CR1: variants seen among roughly 807,000 people sequenced by gnomAD.
CR1 encodes complement C3b/C4b receptor 1 (Knops blood group), also known as complement receptor type 1.
Under a neutral mutation model 187.3 loss-of-function variants are expected in CR1, and 116 were observed. That is an observed-to-expected ratio of 0.62 (90% CI 0.53 to 0.72). CR1 has a LOEUF of 0.72. Among genes scored for constraint, CR1 ranks in the 30% least tolerant of loss-of-function variants. The pLI is 0.00. For missense variants in CR1, 1,731 were observed against 2,110.7 expected (o/e 0.82, Z 3.52); for synonymous variants, 576 against 747.1 (o/e 0.77, Z 3.73).
rs117723802 is a variant in CR1, at chr1:207,589,236, A to G, written c.5810+462A>G. Among the ~76,000 whole-genome samples, 468 of 152,292 alleles carry G rather than the reference A, an allele frequency of 3.1e-3. 8 individuals carry two copies. Among genetic ancestry groups the G allele is most frequent in the Admixed American group, 0.022 (331 of 15,300 alleles). On this transcript the variant is annotated intron_variant, in intron 35 of 46. Transcript: ENST00000367049. ...AAAGTGCACACAGAGAGGAGACATT[A>G]TGGGGTTCTTGCTCTTGACTTCTCC...
At chr1:207,501,951 T>C (rs1659283904) in intron 1 of CR1, among the ~76,000 whole-genome samples, 1 of 152,140 alleles carries the variant, frequency 6.6e-6, no homozygotes, top group African/African-American at 2.4e-5. Flanking sequence ...CAAAGTGCTG[T>C]TATCTATCAA....
chr1:207,622,062 G>T, intron 44 of CR1, 66 bp downstream of exon 44: 1 of 1,283,344 alleles, frequency 7.8e-7, no homozygotes, highest in Non-Finnish European at 1.1e-6. Flanking sequence ...TACCTATAAT[G>T]AATGAAATGT....
At position 207,497,207 on chromosome 1, in the gene CR1, G is replaced by T. The variant is rs762588955; in HGVS notation, c.121+819G>T. ...GGGACAGTAGATATGTTTACAGTTCGCATTTTAGTGATGTGTTTAGTACAA... is the reference window on the plus strand; with the variant it reads ...GGGACAGTAGATATGTTTACAGTTCTCATTTTAGTGATGTGTTTAGTACAA... On this transcript the variant is annotated intron_variant, in intron 1 of 46. Transcript: ENST00000367049. Among the ~76,000 whole-genome samples, 3 of 152,168 alleles carry T rather than the reference G, an allele frequency of 2.0e-5. No individual in the cohort carries two copies. The East Asian group carries it at 5.8e-4, about 29-fold the overall frequency.
chr1:207,523,379 G>A (rs1359893695), intron 4 of CR1, among the ~76,000 whole-genome samples: 4 of 152,174 alleles, frequency 2.6e-5, no homozygotes, highest in Non-Finnish European at 5.9e-5. Flanking sequence ...AAAGAATGTG[G>A]ATTGAGTTAA....
intron 35 of CR1, among the ~76,000 whole-genome samples, chr1:207,602,747 G>T (rs1189058688): frequency 6.6e-6 from 1 of 152,070 alleles, no homozygotes; most frequent in Non-Finnish European, 1.5e-5. Flanking sequence ...ACTGATGGTT[G>T]TTTACCTGAA....
intron 35 of CR1, among the ~76,000 whole-genome samples, chr1:207,604,296 T>C (rs1347630263): frequency 1.3e-5 from 2 of 152,218 alleles, no homozygotes; most frequent in African/African-American, 4.8e-5. Flanking sequence ...ATTTTTCCTC[T>C]GTGGTTTGTC....
chr1:207,565,811 A>C (rs373539320), intron 23 of CR1, 27 bp from the exon 24 acceptor site: 1 of 1,610,084 alleles, frequency 6.2e-7, no homozygotes, highest in South Asian at 1.1e-5. Context: ...GAAACAGCTC[A>C]CTATTCACTC....
intron 45 of CR1, 102 bp from the exon 46 acceptor site, chr1:207,630,415 G>T: frequency 4.3e-6 from 3 of 690,300 alleles, no homozygotes; most frequent in Middle Eastern, 3.0e-4. Flanking sequence ...GGAACTTAAG[G>T]CAAATAATAC....
At chr1:207,598,730 C>A (rs1661521313) in intron 35 of CR1, 1 of 152,200 alleles carries the variant, frequency 6.6e-6, no homozygotes, top group Non-Finnish European at 1.5e-5. Flanking sequence ...AAGACAAGAA[C>A]TTTTGAACAA....
Position 207,618,228 on chromosome 1 carries a change from A to G in CR1, c.7047A>G (p.Gln2349=), listed in dbSNP as rs762856115. ...GTACAGACCAGGGAATCTGGAGCCA[A>G]TTGGATCATTATTGCAAAGGTGACT... ...IFCTDQGIWS[Q]LDHYCKEVNC... is the part of the protein sequence containing the mutation. Residue 2349 remains glutamine, a synonymous_variant, in exon 42 of 47, where the codon CAA becomes CAG. Transcript: ENST00000367049. 4 of 1,613,638 alleles carry G rather than the reference A, an allele frequency of 2.5e-6. No individual in the cohort carries two copies. The highest frequency in any genetic ancestry group is 2.2e-5 in the South Asian group (2 of 91,012).
intron 46 of CR1, among the ~76,000 whole-genome samples, chr1:207,637,798 G>A (rs956381946): frequency 2.0e-5 from 3 of 152,130 alleles, no homozygotes; most frequent in African/African-American, 7.2e-5. Context: ...CTCCGCGGTG[G>A]CGCTTTTCTT....
rs537325736 is a variant in CR1 at position 207,574,472 on chromosome 1, C to A, written c.4452-1123C>A. 2.0e-5 allele frequency among the ~76,000 whole-genome samples: 3 copies of A among 152,104 alleles called. No homozygotes were observed. In the East Asian group the frequency reaches 5.8e-4, roughly 29 times the overall value. ...AAAATTGTACCATTTAAGTATGTTTCCCAGGTAATTCATAAGCAAATTTTT... is the reference window on the plus strand; with the variant it reads ...AAAATTGTACCATTTAAGTATGTTTACCAGGTAATTCATAAGCAAATTTTT... On this transcript the variant is annotated intron_variant, in intron 27 of 46. Coordinates refer to ENST00000367049, the MANE Select transcript of CR1 (RefSeq NM_000651.6).
chr1:207,565,026 T>C (rs1436817753), intron 23 of CR1, among the ~76,000 whole-genome samples: 1 of 150,160 alleles, frequency 6.7e-6, no homozygotes, highest in Non-Finnish European at 1.5e-5. Flanking sequence ...AGTCATGGGC[T>C]CTGGGCTCTG....
intron 31 of CR1, among the ~76,000 whole-genome samples, chr1:207,581,036 G>A (rs926151184): frequency 1.3e-5 from 2 of 151,924 alleles, no homozygotes; most frequent in African/African-American, 2.4e-5. Flanking sequence ...TTTGGAAAAC[G>A]TGCAGCTTCC....
rs189898300 is a variant in CR1, at chr1:207,520,825, C to T, written c.488-2786C>T. 5.1e-3 allele frequency among the ~76,000 whole-genome samples: 770 copies of T among 152,154 alleles called. 4 individuals are homozygous for T. The highest frequency in any genetic ancestry group is 0.017 in the African/African-American group (716 of 41,506). On this transcript the variant is annotated intron_variant, in intron 4 of 46. Coordinates refer to ENST00000367049, the MANE Select transcript of CR1 (RefSeq NM_000651.6). ...TTAAACATTTTTCTAAGTGTGGTTCCTCTGAAGGTTATTGTCCATGTTTCC... is the reference window on the plus strand; with the variant it reads ...TTAAACATTTTTCTAAGTGTGGTTCTTCTGAAGGTTATTGTCCATGTTTCC...
chr1:207,587,626 T>G, intron 34 of CR1, 61 bp downstream of exon 34: 1 of 1,525,078 alleles, frequency 6.6e-7, no homozygotes. Flanking sequence ...GGACCGGGCT[T>G]GGTGGCTCAC....
chr1:207,631,406 A>G (rs1226198993), intron 46 of CR1, among the ~76,000 whole-genome samples: 2 of 152,154 alleles, frequency 1.3e-5, no homozygotes, highest in Non-Finnish European at 2.9e-5. Flanking sequence ...TCCCTTTTAT[A>G]CTACAACAGC....
At chr1:207,635,871 A>G (rs969632579) in intron 46 of CR1, among the ~76,000 whole-genome samples, 8 of 152,196 alleles carry the variant, frequency 5.3e-5, no homozygotes, top group African/African-American at 1.9e-4. Flanking sequence ...TTGTTTAACA[A>G]AGCACATCTG....
chr1:207,617,547 ATATATATATGTG>A (rs1558271448), intron 41 of CR1, among the ~76,000 whole-genome samples: 1 of 91,744 alleles, frequency 1.1e-5, no homozygotes, highest in East Asian at 2.7e-4. Context: ...GTATGTGTGT[ATATATATATGTG>A]TATATATATG....
Sources: gnomAD v4.1 joint callset for allele counts (sites outside exome capture counted in the v4.1 genomes callset) on GRCh38, gnomAD v4.1.1 for gene constraint, MANE v1.5 for transcripts, NCBI Gene and HGNC (gene_info 2026-07-23, HGNC 2026-07-21) for gene names.